Variants in FCRLA observed in about 807,000 individuals in gnomAD.
The protein encoded by FCRLA is Fc receptor-like A.
FCRLA carries 26 observed loss-of-function variants against 28.4 expected under a neutral mutation model. That is an observed-to-expected ratio of 0.91 (90% CI 0.67 to 1.27). The LOEUF is 1.27. Among genes scored for constraint, FCRLA ranks in the 50% most tolerant of loss-of-function variants. The pLI is 0.00. For synonymous variants in FCRLA, 174 were observed against 168.5 expected (o/e 1.03, Z -0.25); for missense variants, 422 against 433.1 (o/e 0.97, Z 0.23).
At position 161,710,742 on chromosome 1, in the gene FCRLA, G is replaced by A. The variant is rs1407328942; in HGVS notation, c.80-18G>A. ...GCATCATCATTTTCTGGTTCTCCCTGGGCCATGCCCTCTTCAGCTGCCAGT... is the reference window on the plus strand; with the variant it reads ...GCATCATCATTTTCTGGTTCTCCCTAGGCCATGCCCTCTTCAGCTGCCAGT... On this transcript the variant is annotated intron_variant, in intron 1 of 4. Transcript: ENST00000236938. 6.2e-7 allele frequency: 1 copy of A among 1,614,040 alleles called. No individual in the cohort carries two copies. The highest frequency in any genetic ancestry group is 1.7e-5 in the Admixed American group (1 of 60,014).
intron 1 of FCRLA, among the ~76,000 whole-genome samples, chr1:161,707,983 CTTAT>C (rs925821590): frequency 2.6e-5 from 4 of 152,190 alleles, no homozygotes; most frequent in African/African-American, 7.2e-5. Flanking sequence ...CCTTCATGAG[CTTAT>C]TTGTCTGTTT....
At chr1:161,707,686 C>T (rs1682887256) in intron 1 of FCRLA, among the ~76,000 whole-genome samples, 1 of 152,190 alleles carries the variant, frequency 6.6e-6, no homozygotes, top group South Asian at 2.1e-4. Flanking sequence ...TGCAGCCTGG[C>T]TTCCACTGGA....
chr1:161,711,647 C>T, intron 3 of FCRLA, 173 bp downstream of exon 3: 1 of 833,356 alleles, frequency 1.2e-6, no homozygotes, highest in South Asian at 1.8e-5. Context: ...CTTTTGAAGT[C>T]ATCCAGCCCC....
chr1:161,711,538 G>T (rs927789498), intron 3 of FCRLA, 64 bp downstream of exon 3: 175 of 1,545,238 alleles, frequency 1.1e-4, no homozygotes, highest in South Asian at 8.8e-5. Context: ...AGCCCAAATT[G>T]TCTTTCTTTA....
At chr1:161,709,020 AC>A (rs1347354282) in intron 1 of FCRLA, among the ~76,000 whole-genome samples, 3 of 152,206 alleles carry the variant, frequency 2.0e-5, no homozygotes. Flanking sequence ...TTAGAAAATC[AC>A]TTTTTCTATT....
In FCRLA at chr1:161,713,066, C is replaced by T; in HGVS notation, c.785-19C>T. 2 of 1,604,074 alleles carry T rather than the reference C, an allele frequency of 1.2e-6. No homozygotes were observed. The highest frequency in any genetic ancestry group is 1.7e-6 in the Non-Finnish European group (2 of 1,175,358). On this transcript the variant is annotated intron_variant, in intron 4 of 4. Transcript: ENST00000236938. Reference sequence around the variant, plus strand: ...AGTCAGACTTCACTCTTGTATGTGCCTCCTGCCCCATAATTCAGGTGCTTC... The same window carrying T: ...AGTCAGACTTCACTCTTGTATGTGCTTCCTGCCCCATAATTCAGGTGCTTC...
chr1:161,709,559 A>G (rs1682996294), intron 1 of FCRLA, among the ~76,000 whole-genome samples: 1 of 152,194 alleles, frequency 6.6e-6, no homozygotes. Context: ...AACACCTGGT[A>G]CTGATGTGAT....
chr1:161,712,137 T>G lies in FCRLA; in HGVS notation c.703T>G (p.Ser235Ala), dbSNP rs769190402. The change falls in exon 4 of 5, where the codon TCC becomes GCC. Residue 235 changes from serine (S) to alanine (A), a missense_variant. Physicochemically the swap from Ser to Ala is moderately conservative, Grantham distance 99. Transcript: ENST00000236938. ...FQIPTASEDH[S>A]GSYWCEAATE... Reference sequence around the variant, plus strand: ...GATCCCCACAGCTTCAGAAGATCACTCCGGGTCATACTGGTGTGAGGCAGC... The same window carrying G: ...GATCCCCACAGCTTCAGAAGATCACGCCGGGTCATACTGGTGTGAGGCAGC... The G allele has an allele frequency of 1.2e-6, 2 of 1,614,032 alleles. No homozygotes were observed. Among genetic ancestry groups the G allele is most frequent in the African/African-American group, 2.7e-5 (2 of 74,908 alleles).
At chr1:161,708,767 G>A (rs1459972340) in intron 1 of FCRLA, among the ~76,000 whole-genome samples, 11 of 152,112 alleles carry the variant, frequency 7.2e-5, no homozygotes, top group Non-Finnish European at 1.5e-5. Context: ...ATCTTTTCCA[G>A]GTAGCTTTTC....
intron 4 of FCRLA, 112 bp from the exon 5 acceptor site, chr1:161,712,973 G>A: frequency 8.1e-7 from 1 of 1,233,402 alleles, no homozygotes; most frequent in Non-Finnish European, 1.1e-6. Flanking sequence ...AGTCCCTGCT[G>A]CCATTGGGCC....
At chr1:161,709,517 C>T (rs1682993946) in intron 1 of FCRLA, among the ~76,000 whole-genome samples, 1 of 152,102 alleles carries the variant, frequency 6.6e-6, no homozygotes, top group South Asian at 2.1e-4. Flanking sequence ...GGTAGCATTA[C>T]AGTGAAGGGA....
At chr1:161,711,788 T>C in intron 3 of FCRLA, 146 bp from the exon 4 acceptor site, 2 of 1,046,170 alleles carry the variant, frequency 1.9e-6, no homozygotes, top group Non-Finnish European at 2.8e-6. Flanking sequence ...CAGAAAGAAC[T>C]TGACAGATTC....
chr1:161,710,314 C>A (rs2101655080), intron 1 of FCRLA: 1 of 653,650 alleles, frequency 1.5e-6, no homozygotes. Context: ...ATAAAGTCAC[C>A]TACCTGGAAA....
Position 161,713,262 on chromosome 1 carries a change from T to C in FCRLA, c.962T>C (p.Met321Thr), listed in dbSNP as rs1297701658. The change falls in exon 5 of 5, where the codon ATG becomes ACG. Residue 321 changes from methionine to threonine, a missense_variant. By Grantham distance (81) the Met-to-Thr change is moderately conservative. Coordinates refer to ENST00000236938, the MANE Select transcript of FCRLA (RefSeq NM_032738.4). The part of the protein sequence containing the change: ...GMPDPHLYHQ[M>T]GLLLKHMQDV... ...CCAGATCCTCATCTGTATCACCAGATGGGCCTTCTTCTCAAACACATGCAG... is the reference window on the plus strand; with the variant it reads ...CCAGATCCTCATCTGTATCACCAGACGGGCCTTCTTCTCAAACACATGCAG... 4 of 1,614,244 alleles carry C rather than the reference T, an allele frequency of 2.5e-6. No individual in the cohort carries two copies. The South Asian group carries it at 3.3e-5, about 13-fold the overall frequency.
At chr1:161,711,007 A>C in intron 2 of FCRLA, 95 bp downstream of exon 2, 8 of 1,534,518 alleles carry the variant, frequency 5.2e-6, no homozygotes, top group Non-Finnish European at 7.1e-6. Flanking sequence ...TGGCTATGGG[A>C]TGAGGTACTT....
At chr1:161,710,252 G>A (rs1683026203) in intron 1 of FCRLA, 1 of 582,774 alleles carries the variant, frequency 1.7e-6, no homozygotes, top group Non-Finnish European at 3.1e-6. Context: ...TTAAGCTTTG[G>A]GTATGTTAAT....
chr1:161,710,421 T>C, intron 1 of FCRLA: 2 of 1,517,172 alleles, frequency 1.3e-6, no homozygotes, highest in South Asian at 1.2e-5. Context: ...ATTCCTGTCC[T>C]ATGCCTCCCT....
At chr1:161,711,024 C>A (rs1683072658) in intron 2 of FCRLA, 112 bp downstream of exon 2, 3 of 1,484,242 alleles carry the variant, frequency 2.0e-6, no homozygotes, top group Non-Finnish European at 2.7e-6. Context: ...ACTTCCTTCC[C>A]AGTCTTCAGC....
At position 161,711,250 on chromosome 1, in the gene FCRLA, G is replaced by A. The variant is rs139913866; in HGVS notation, c.275G>A (p.Gly92Glu). The part of the protein sequence containing the change: ...LQGPAKPVFE[G>E]DLLVLRCQAW... ...GGTCCAGCCAAGCCAGTTTTTGAAG[G>A]GGACCTGCTGGTTCTGCGCTGCCAG... Residue 92 changes from glycine (G) to glutamate (E), a missense_variant, in exon 3 of 5, where the codon GGG (glycine) becomes GAG (glutamate). By Grantham distance (98) the Gly-to-Glu change is moderately conservative. Transcript: ENST00000236938. 102 of 1,614,034 alleles carry A rather than the reference G, an allele frequency of 6.3e-5. No homozygotes were observed. Among genetic ancestry groups the A allele is most frequent in the Admixed American group, 5.2e-4 (31 of 60,008 alleles).
Sources: allele counts gnomAD v4.1 joint callset (sites outside exome capture counted in the v4.1 genomes callset), GRCh38; gene constraint gnomAD v4.1.1; transcripts MANE v1.5; gene names NCBI Gene and HGNC (gene_info 2026-07-23, HGNC 2026-07-21).